The following RPN2 variants were observed in gnomAD, a reference collection of about 807,000 sequenced individuals.
RPN2 encodes ribophorin II.
RPN2 carries 29 observed loss-of-function variants against 71.4 expected under a neutral mutation model. The ratio of observed to expected loss-of-function variants is 0.41; its 90% confidence interval spans 0.30 to 0.55. The LOEUF (loss-of-function observed/expected upper bound fraction) is 0.55. Ranked by LOEUF, RPN2 falls within the 20% of genes least tolerant of loss-of-function variation. RPN2 has a pLI of 0.35. For synonymous variants in RPN2, 308 were observed against 305.0 expected, an observed-to-expected ratio of 1.01 and a Z score of -0.10; for missense variants, 726 against 774.1, an observed-to-expected ratio of 0.94 and a Z score of 0.74.
At position 37,228,740 on chromosome 20, in the gene RPN2, A is replaced by G. The variant is rs200954865; in HGVS notation, c.1490A>G (p.Asn497Ser). 2.5e-5 allele frequency: 41 copies of G among 1,613,994 alleles called. No individual in the cohort carries two copies. Among genetic ancestry groups the G allele is most frequent in the Non-Finnish European group, 3.4e-5 (40 of 1,180,000 alleles). The change falls in exon 12 of 17, where the codon AAT becomes AGT. Residue 497 changes from asparagine to serine, a missense_variant. By Grantham distance (46) the Asn-to-Ser change is conservative (BLOSUM62 1). Coordinates refer to ENST00000237530, the MANE Select transcript of RPN2 (RefSeq NM_002951.5). Reference protein sequence around the residue: ...DATLKNPILWNVADVVIKFPE... With the variant: ...DATLKNPILWSVADVVIKFPE... ...ACTTTGAAGAACCCAATCCTCTGGA[A>G]TGTGGTATGTGCCTGAATGTACCCC...
At chr20:37,220,925 G>GT (rs1334395362) in intron 9 of RPN2, among the ~76,000 whole-genome samples, 1 of 152,186 alleles carries the variant, frequency 6.6e-6, no homozygotes, top group Non-Finnish European at 1.5e-5. Flanking sequence ...AATGAAAGCT[G>GT]TAACTTAGGA....
At chr20:37,192,631 G>T (rs183424157) in intron 2 of RPN2, among the ~76,000 whole-genome samples, 5 of 152,332 alleles carry the variant, frequency 3.3e-5, no homozygotes, top group Non-Finnish European at 7.3e-5. Flanking sequence ...GAGGGAGAGG[G>T]CCCCTGCACT....
chr20:37,191,005 C>A (rs1423345301), intron 2 of RPN2, among the ~76,000 whole-genome samples: 1 of 152,206 alleles, frequency 6.6e-6, no homozygotes, highest in African/African-American at 2.4e-5. Context: ...GTAGAGAGAA[C>A]TCCCTGGGCT....
chr20:37,228,456 G>T lies in RPN2; in HGVS notation c.1300-94G>T, dbSNP rs1445128490. The stretch of plus-strand genomic sequence containing the variant: ...CCCAGAGCTCTCACTGTGACAAAGC[G>T]CTAATAACCGTCTGCTGCCCGGTGG... On this transcript the variant is annotated intron_variant, in intron 11 of 16. Coordinates refer to ENST00000237530, the MANE Select transcript of RPN2 (RefSeq NM_002951.5). 8 of 1,231,188 alleles carry T rather than the reference G, an allele frequency of 6.5e-6. No individual in the cohort carries two copies. The Admixed American group carries it at 1.1e-4, about 16-fold the overall frequency. The allele number at this position is 1,231,188 out of a possible 1,614,324, so 76.3% of individuals were successfully genotyped here. A position where few individuals can be genotyped will look rare whatever the true frequency, so the allele number is the denominator to read the frequency against.
intron 2 of RPN2, among the ~76,000 whole-genome samples, chr20:37,184,986 C>A (rs1382609037): frequency 6.6e-6 from 1 of 152,084 alleles, no homozygotes. Flanking sequence ...TAAGTGCCCC[C>A]CTATGTGTGT....
rs567093900 is a variant in RPN2 at position 37,231,919 on chromosome 20, C to T, written c.1582-377C>T. On this transcript the variant is annotated intron_variant, in intron 13 of 16. Transcript: ENST00000237530. ...CCACCCTAGGAACCCAGAAACATTGCGAGTCCAGCGTCCTGCCTCAGTCCT... is the reference window on the plus strand; with the variant it reads ...CCACCCTAGGAACCCAGAAACATTGTGAGTCCAGCGTCCTGCCTCAGTCCT... 5.9e-5 allele frequency among the ~76,000 whole-genome samples: 9 copies of T among 152,264 alleles called. No homozygotes were observed. The South Asian group carries it at 1.0e-3, about 18-fold the overall frequency.
At position 37,194,779 on chromosome 20, in the gene RPN2, G is replaced by C. The variant is rs73291765; in HGVS notation, c.208-3618G>C. Among the ~76,000 whole-genome samples the C allele has an allele frequency of 5.1e-3, 779 of 152,268 alleles. 5 individuals are homozygous for C. Among genetic ancestry groups the C allele is most frequent in the African/African-American group, 0.018 (743 of 41,546 alleles). ...GAAGCACCTGGGGAAAAGCGGGCCT[G>C]GTTAGAAAGGGTCTGGCGTGGGGCC... On this transcript the variant is annotated intron_variant, in intron 2 of 16. Transcript: ENST00000237530.
chr20:37,200,141 C>T (rs941850842), intron 4 of RPN2, among the ~76,000 whole-genome samples: 2 of 152,012 alleles, frequency 1.3e-5, no homozygotes, highest in South Asian at 2.1e-4. Context: ...ATTACAGGCG[C>T]GCCACCACGC....
chr20:37,215,034 A>T (rs952422467), intron 9 of RPN2, among the ~76,000 whole-genome samples: 5 of 152,138 alleles, frequency 3.3e-5, no homozygotes. Context: ...AACTATCATA[A>T]TTCTTTATCA....
At chr20:37,213,304 A>G (rs753666716) in intron 8 of RPN2, among the ~76,000 whole-genome samples, 17 of 152,216 alleles carry the variant, frequency 1.1e-4, no homozygotes, top group Non-Finnish European at 2.5e-4. Flanking sequence ...CATCTTAGAT[A>G]CTTTTCTCCA....
At chr20:37,200,396 A>AT (rs918102355) in intron 4 of RPN2, 12 of 503,010 alleles carry the variant, frequency 2.4e-5, no homozygotes, top group East Asian at 1.7e-4. Context: ...TTAAAACAAT[A>AT]TTTTTTTTGT....
rs904332287 is a variant in RPN2, at chr20:37,235,119, G to A, written c.1753+1024G>A. Among the ~76,000 whole-genome samples the A allele has an allele frequency of 3.9e-5, 6 of 152,156 alleles. No homozygotes were observed. The South Asian group carries it at 6.2e-4, about 16-fold the overall frequency. Reference sequence around the variant, plus strand: ...GTCTGTATTTTTCTGGGGAAAGAGAGAGTTGTGACTTTGATCAGATTATTA... The same window carrying A: ...GTCTGTATTTTTCTGGGGAAAGAGAAAGTTGTGACTTTGATCAGATTATTA... On this transcript the variant is annotated intron_variant, in intron 15 of 16. Transcript: ENST00000237530.
intron 2 of RPN2, among the ~76,000 whole-genome samples, chr20:37,195,127 A>T (rs2067226787): frequency 6.6e-6 from 1 of 152,146 alleles, no homozygotes; most frequent in African/African-American, 2.4e-5. Flanking sequence ...TTCAGCCTTC[A>T]GTCGGGAAGA....
chr20:37,209,446 AC>A (rs2067601016), intron 7 of RPN2, among the ~76,000 whole-genome samples: 1 of 150,654 alleles, frequency 6.6e-6, no homozygotes, highest in African/African-American at 2.4e-5. Context: ...GGCATGAGCC[AC>A]TGCACCCAGT....
rs73293764 is a variant in RPN2 at position 37,233,816 on chromosome 20, T to G, written c.1678-204T>G. Among the ~76,000 whole-genome samples the G allele has an allele frequency of 5.2e-3, 791 of 152,336 alleles. 5 individuals carry two copies. Among genetic ancestry groups the G allele is most frequent in the African/African-American group, 0.018 (754 of 41,578 alleles). On this transcript the variant is annotated intron_variant, in intron 14 of 16. Transcript: ENST00000237530. ...CACGAGCCCATTTGAGAGCAGGTGC[T>G]GAATGCCTTTCTAAAGAAAAAGGGA...
intron 12 of RPN2, 144 bp downstream of exon 12, chr20:37,228,888 A>G: frequency 5.3e-6 from 4 of 749,288 alleles, no homozygotes; most frequent in South Asian, 3.0e-5. Context: ...CACTGTGTGC[A>G]GTCTCCATAA....
chr20:37,211,645 TAA>T (rs34192838), intron 8 of RPN2, among the ~76,000 whole-genome samples: 1,986 of 140,320 alleles, frequency 0.014, 15 homozygotes, highest in Middle Eastern at 0.055. Context: ...CCATCTCTAT[TAA>T]AAAAAAAAAA....
chr20:37,211,727 T>A (rs1342227584), intron 8 of RPN2, among the ~76,000 whole-genome samples: 1 of 151,094 alleles, frequency 6.6e-6, no homozygotes, highest in East Asian at 1.9e-4. Context: ...AATATTCTTT[T>A]ACAATTTTTT....
Position 37,184,176 on chromosome 20 carries a change from C to T in RPN2, c.14-4C>T, listed in dbSNP as rs775238433. 1 of 1,614,116 alleles carries T rather than the reference C, an allele frequency of 6.2e-7. No homozygotes were observed. Among genetic ancestry groups the T allele is most frequent in the Non-Finnish European group, 8.5e-7 (1 of 1,180,014 alleles). On this transcript the variant is annotated splice_polypyrimidine_tract_variant and splice_region_variant and intron_variant, in intron 1 of 16. Transcript: ENST00000237530. Reference sequence around the variant, plus strand: ...AGTGTACTGAATGGTTGTTTCCCCCCAAGGTTCAAGCACTGTCTTCCTGTT... The same window carrying T: ...AGTGTACTGAATGGTTGTTTCCCCCTAAGGTTCAAGCACTGTCTTCCTGTT...
Sources: allele counts gnomAD v4.1 joint callset (sites outside exome capture counted in the v4.1 genomes callset), GRCh38; gene constraint gnomAD v4.1.1; transcripts MANE v1.5; gene names NCBI Gene and HGNC (gene_info 2026-07-23, HGNC 2026-07-21).